ARHGAP22: variants seen among roughly 807,000 people sequenced by gnomAD.
The protein encoded by ARHGAP22 is Rho GTPase activating protein 22, also known as rho GTPase-activating protein 22.
In ARHGAP22, 48 loss-of-function variants were observed where a neutral mutation model predicts 59.1. The ratio of observed to expected loss-of-function variants is 0.81; its 90% CI spans 0.64 to 1.03. The LOEUF (loss-of-function observed/expected upper bound fraction) is 1.03, where lower values mean the gene tolerates loss of function less well. Among genes scored for constraint, ARHGAP22 ranks in the 50% least tolerant of loss-of-function variants. The probability of loss-of-function intolerance (pLI) is 0.00; values close to 1 mark genes in which losing one functional copy is unlikely to be tolerated. For missense variants in ARHGAP22, 1,015 were observed against 958.7 expected (o/e 1.06, Z -0.78); for synonymous variants, 445 against 416.4 (o/e 1.07, Z -0.84).
intron 3 of ARHGAP22, among the ~76,000 whole-genome samples, chr10:48,489,791 T>G (rs2134200798): frequency 6.8e-6 from 1 of 146,402 alleles, no homozygotes; most frequent in East Asian, 2.0e-4. Flanking sequence ...TGGAGTGCAG[T>G]GGTGCAATCT....
intron 4 of ARHGAP22, among the ~76,000 whole-genome samples, chr10:48,475,508 TC>T: frequency 6.6e-6 from 1 of 152,216 alleles, no homozygotes. Flanking sequence ...TAGCTGCAGT[TC>T]CCGTAGTCTT....
rs567968772 is a variant in ARHGAP22 at position 48,572,736 on chromosome 10, C to T, written c.234+10217G>A. On this transcript the variant is annotated intron_variant, in intron 2 of 9. Transcript: ENST00000249601. ...CCGGGTCTACCAGAGGCTATGCTTC[C>T]CAACCTGCAGATGGCCAGCCTGCAG... Among the ~76,000 whole-genome samples the T allele has an allele frequency of 1.2e-4, 19 of 152,226 alleles. No individual in the cohort carries two copies. The Middle Eastern group carries it at 0.01, about 82-fold the overall frequency.
At chr10:48,596,625 T>C (rs2060083011) in intron 1 of ARHGAP22, among the ~76,000 whole-genome samples, 1 of 152,210 alleles carries the variant, frequency 6.6e-6, no homozygotes. Flanking sequence ...AGGACCCACA[T>C]TCCTGTCTTA....
chr10:48,526,045 TA>T (rs2134840595), intron 3 of ARHGAP22, among the ~76,000 whole-genome samples: 1 of 152,320 alleles, frequency 6.6e-6, no homozygotes, highest in East Asian at 1.9e-4. Context: ...GATCTGTTCC[TA>T]ACCCTGAAGC....
At chr10:48,509,428 G>A (rs901428989) in intron 3 of ARHGAP22, among the ~76,000 whole-genome samples, 1 of 152,256 alleles carries the variant, frequency 6.6e-6, no homozygotes, top group Non-Finnish European at 1.5e-5. Context: ...CGATGGCTGT[G>A]CAGACGCTCC....
At chr10:48,604,679 G>A (rs2060580042) in intron 1 of ARHGAP22, 84 bp downstream of exon 1, 1 of 1,606,392 alleles carries the variant, frequency 6.2e-7, no homozygotes, top group Non-Finnish European at 8.5e-7. Context: ...TGTGACACAT[G>A]GCGTGACGGC....
At chr10:48,577,787 A>ACTGCTCTTTT (rs2058820738) in intron 2 of ARHGAP22, among the ~76,000 whole-genome samples, 2 of 62,974 alleles carry the variant, frequency 3.2e-5, no homozygotes, top group South Asian at 1.8e-3. Flanking sequence ...CTGAGATCTA[A>ACTGCTCTTTT]CTGCTCTTTT....
At chr10:48,434,215 G>A in the ARHGAP22 span, among the ~76,000 whole-genome samples, 9 of 152,308 alleles carry the variant, frequency 5.9e-5, no homozygotes, top group East Asian at 1.5e-3. Flanking sequence ...TGCTTATCAA[G>A]TATTAGAGTA....
chr10:48,578,432 G>C (rs1053862338), intron 2 of ARHGAP22, among the ~76,000 whole-genome samples: 1 of 152,048 alleles, frequency 6.6e-6, no homozygotes, highest in Non-Finnish European at 1.5e-5. Flanking sequence ...TGATGTGGAG[G>C]AGCCAAATGT....
upstream of ARHGAP22, among the ~76,000 whole-genome samples, chr10:48,654,780 TTC>T (rs370467344): frequency 1.1e-4 from 6 of 56,000 alleles, no homozygotes; most frequent in African/African-American, 3.7e-4. Context: ...ATTACTTTCT[TTC>T]TTTCTTTCTT....
chr10:48,620,567 A>G (rs76534635), intron 1 of ARHGAP22, among the ~76,000 whole-genome samples: 8,298 of 152,128 alleles, frequency 0.055, 731 homozygotes, highest in African/African-American at 0.19. Flanking sequence ...TCCTTGCCTA[A>G]ACTATCCAGC....
At chr10:48,438,749 T>C in the ARHGAP22 span, 8 of 152,360 alleles carry the variant, frequency 5.3e-5, no homozygotes, top group African/African-American at 1.9e-4. Flanking sequence ...TACCAGTAAG[T>C]ATGTAAAGTA....
At chr10:48,453,552 G>T in intron 7 of ARHGAP22, 127 bp from the exon 8 acceptor site, 1 of 1,393,872 alleles carries the variant, frequency 7.2e-7, no homozygotes, top group Non-Finnish European at 9.9e-7. Context: ...CCCACTGGGT[G>T]TAGCCTGCCT....
At chr10:48,621,479 G>A (rs936548504) in intron 1 of ARHGAP22, among the ~76,000 whole-genome samples, 1 of 152,140 alleles carries the variant, frequency 6.6e-6, no homozygotes, top group South Asian at 2.1e-4. Context: ...GGTAACTATT[G>A]TGTACTCCAA....
intron 1 of ARHGAP22, among the ~76,000 whole-genome samples, chr10:48,651,047 G>T (rs1046488076): frequency 6.6e-6 from 1 of 152,190 alleles, no homozygotes; most frequent in Admixed American, 6.5e-5. Flanking sequence ...CCCACCCTGG[G>T]CTTGGTCCAC....
chr10:48,464,693 C>T (rs559164357), intron 4 of ARHGAP22, among the ~76,000 whole-genome samples: 20 of 152,218 alleles, frequency 1.3e-4, no homozygotes, highest in Non-Finnish European at 2.5e-4. Flanking sequence ...TGCACCAGCA[C>T]TGGTCTGGTG....
chr10:48,569,668 A>G (rs1156914090), intron 2 of ARHGAP22, among the ~76,000 whole-genome samples: 2 of 152,234 alleles, frequency 1.3e-5, no homozygotes, highest in Non-Finnish European at 2.9e-5. Context: ...AGTGCTGTAA[A>G]CTAATATCCA....
chr10:48,450,326 C>T lies in ARHGAP22; in HGVS notation c.1803G>A (p.Gly601=). 6.2e-7 allele frequency: 1 copy of T among 1,604,858 alleles called. No homozygotes were observed. Among genetic ancestry groups the T allele is most frequent in the Non-Finnish European group, 8.5e-7 (1 of 1,176,328 alleles). Reference sequence around the variant, plus strand: ...GCTCGGCCCTGAGCTCAGTGACCAGCCCCTGTAAGGCCTCGGAGCGGCGCG... The same window carrying T: ...GCTCGGCCCTGAGCTCAGTGACCAGTCCCTGTAAGGCCTCGGAGCGGCGCG... ...EHARRSEALQ[G]LVTELRAELC... is the part of the protein sequence containing the mutation. The change falls in exon 9 of 10, where the codon GGG becomes GGA. Residue 601 remains glycine, a synonymous_variant. Transcript: ENST00000249601.
intron 4 of ARHGAP22, among the ~76,000 whole-genome samples, chr10:48,464,825 G>A (rs1303104654): frequency 6.6e-6 from 1 of 152,090 alleles, no homozygotes; most frequent in South Asian, 2.1e-4. Context: ...CTATGAGGGC[G>A]AGACTTCCCT....
Sources: gnomAD v4.1 joint callset for allele counts (sites outside exome capture counted in the v4.1 genomes callset) on GRCh38, gnomAD v4.1.1 for gene constraint, MANE v1.5 for transcripts, NCBI Gene and HGNC (gene_info 2026-07-23, HGNC 2026-07-21) for gene names.